The following JMJD1C variants were observed in gnomAD, a reference collection of about 807,000 sequenced individuals.
The protein encoded by JMJD1C is jumonji domain-containing protein 1C.
Under a neutral mutation model 245.3 loss-of-function variants are expected in JMJD1C, and 31 were observed. The observed-to-expected ratio is 0.13, with a 90% CI of 0.09 to 0.17. The LOEUF (loss-of-function observed/expected upper bound fraction) is 0.17, where lower values mean the gene tolerates loss of function less well. Among genes scored for constraint, JMJD1C ranks in the 10% least tolerant of loss-of-function variants. The pLI is 1.00. For missense variants in JMJD1C, 2,691 were observed against 3,000.2 expected, an observed-to-expected ratio of 0.90 and a Z score of 2.41; for synonymous variants, 1,057 against 1,017.4, an observed-to-expected ratio of 1.04 and a Z score of -0.74.
At chr10:63,351,011 T>C (rs1481643235) in intron 2 of JMJD1C, among the ~76,000 whole-genome samples, 1 of 152,082 alleles carries the variant, frequency 6.6e-6, no homozygotes, top group African/African-American at 2.4e-5. Flanking sequence ...TACATCTATA[T>C]ATATTACATT....
intron 1 of JMJD1C, chr10:63,465,243 G>A: frequency 2.3e-6 from 1 of 436,782 alleles, no homozygotes; most frequent in Non-Finnish European, 4.0e-6. Context: ...GACCCCTCCG[G>A]GATGGGGGCC....
At chr10:63,326,406 AAATAAATAAAT>A (rs1941513128) in intron 2 of JMJD1C, among the ~76,000 whole-genome samples, 2 of 149,924 alleles carry the variant, frequency 1.3e-5, no homozygotes, top group Admixed American at 1.3e-4. Context: ...ATAAATAAAT[AAATAAATAAAT>A]AAATAAATAA....
intron 10 of JMJD1C, among the ~76,000 whole-genome samples, chr10:63,205,470 A>G (rs1846491923): frequency 6.6e-6 from 1 of 152,240 alleles, no homozygotes; most frequent in African/African-American, 2.4e-5. Context: ...CAAAAAAACA[A>G]AACTTTAATT....
intron 2 of JMJD1C, among the ~76,000 whole-genome samples, chr10:63,298,738 A>G (rs763604432): frequency 3.3e-5 from 5 of 152,132 alleles, no homozygotes; most frequent in African/African-American, 7.2e-5. Flanking sequence ...CATTCATTCT[A>G]ATCTTTTTTT....
rs538740480 is a variant in JMJD1C at position 63,294,688 on chromosome 10, CTGTT to C, written c.334-29928_334-29925del. On this transcript the variant is annotated intron_variant, in intron 2 of 25. Coordinates refer to ENST00000399262, the MANE Select transcript of JMJD1C (RefSeq NM_032776.3). ...TCCTGCTTTATATACCCACTGCTATCTGTTTGGACTTCTACTACCACACAGTAAA... is the reference window on the plus strand; with the variant it reads ...TCCTGCTTTATATACCCACTGCTATCTGGACTTCTACTACCACACAGTAAA... Among the ~76,000 whole-genome samples the C allele has an allele frequency of 1.8e-4, 28 of 152,270 alleles. 1 individual carries two copies. In the East Asian group the frequency reaches 5.2e-3, roughly 28 times the overall value.
At chr10:63,292,907 G>A (rs1459913222) in intron 2 of JMJD1C, among the ~76,000 whole-genome samples, 3 of 152,082 alleles carry the variant, frequency 2.0e-5, no homozygotes, top group Non-Finnish European at 4.4e-5. Flanking sequence ...AGCTGGGCGT[G>A]GTGGTGCTTG....
At chr10:63,484,236 GGATAGATAGATAGATAGAT>G (rs1953917870) in intron 1 of JMJD1C, among the ~76,000 whole-genome samples, 1 of 92,632 alleles carries the variant, frequency 1.1e-5, no homozygotes, top group Non-Finnish European at 2.9e-5. Flanking sequence ...ATGGATGGAT[GGATAGATAGATAGATAGAT>G]AGATAGATAG....
At chr10:63,228,973 T>A (rs1849641486) in intron 3 of JMJD1C, among the ~76,000 whole-genome samples, 1 of 152,180 alleles carries the variant, frequency 6.6e-6, no homozygotes, top group Non-Finnish European at 1.5e-5. Context: ...GGTCAATGAC[T>A]ATTACATTCA....
At chr10:63,452,623 G>A (rs150991161) in intron 1 of JMJD1C, among the ~76,000 whole-genome samples, 205 of 152,258 alleles carry the variant, frequency 1.3e-3, no homozygotes, top group Admixed American at 7.2e-3. Flanking sequence ...AAATAGATAT[G>A]CTGATATTCA....
chr10:63,426,818 G>C (rs1950468700), intron 1 of JMJD1C, among the ~76,000 whole-genome samples: 1 of 152,140 alleles, frequency 6.6e-6, no homozygotes, highest in African/African-American at 2.4e-5. Context: ...AGTATCTAGT[G>C]TAAGATAATA....
At chr10:63,224,400 C>A (rs1291649740) in intron 3 of JMJD1C, among the ~76,000 whole-genome samples, 2 of 152,120 alleles carry the variant, frequency 1.3e-5, no homozygotes, top group Non-Finnish European at 2.9e-5. Flanking sequence ...TTAATTAAAA[C>A]CCACAAAAAG....
In JMJD1C at chr10:63,207,310, T is replaced by C. The variant is rs548304608; in HGVS notation, c.4359A>G (p.Thr1453=). ...AQKQECKVST[T]APVTLASSKT... ...TACTACTGGCTAATGTAACTGGTGC[T>C]GTGGTGCTGACCTTGCATTCTTGTT... The change falls in exon 10 of 26, where the codon ACA becomes ACG. Residue 1453 remains threonine, a synonymous_variant. Coordinates refer to ENST00000399262, the MANE Select transcript of JMJD1C (RefSeq NM_032776.3). 58 of 1,613,716 alleles carry C rather than the reference T, an allele frequency of 3.6e-5. No individual in the cohort carries two copies. In the East Asian group the frequency reaches 1.2e-3, roughly 32 times the overall value.
chr10:63,319,134 G>A (rs1940501344), intron 2 of JMJD1C, among the ~76,000 whole-genome samples: 1 of 151,810 alleles, frequency 6.6e-6, no homozygotes, highest in Admixed American at 6.6e-5. Context: ...GTGGTGGCCT[G>A]TAGTCCCAGC....
At position 63,296,624 on chromosome 10, in the gene JMJD1C, T is replaced by A. The variant is rs151038776; in HGVS notation, c.334-31860A>T. Among the ~76,000 whole-genome samples, 144 of 152,336 alleles carry A rather than the reference T, an allele frequency of 9.5e-4. 1 individual carries two copies. The highest frequency in any genetic ancestry group is 3.1e-3 in the African/African-American group (130 of 41,588). Reference sequence around the variant, plus strand: ...ACCTGTTCAATCTCAGTTGGAAATGTGCGTATAGGTGACAAAAATTTTTCT... The same window carrying A: ...ACCTGTTCAATCTCAGTTGGAAATGAGCGTATAGGTGACAAAAATTTTTCT... On this transcript the variant is annotated intron_variant, in intron 2 of 25. Transcript: ENST00000399262.
intron 2 of JMJD1C, among the ~76,000 whole-genome samples, chr10:63,364,053 C>T (rs1945640960): frequency 6.6e-6 from 1 of 151,984 alleles, no homozygotes; most frequent in African/African-American, 2.4e-5. Flanking sequence ...TACGTAGAGA[C>T]TGGGTTTCAC....
intron 1 of JMJD1C, among the ~76,000 whole-genome samples, chr10:63,481,824 G>A (rs1463104312): frequency 6.6e-6 from 1 of 152,192 alleles, no homozygotes; most frequent in Non-Finnish European, 1.5e-5. Context: ...GGAGCTGGAG[G>A]AAGTGGAAGA....
At chr10:63,212,372 C>A (rs1293165404) in intron 8 of JMJD1C, among the ~76,000 whole-genome samples, 2 of 152,150 alleles carry the variant, frequency 1.3e-5, no homozygotes, top group Admixed American at 6.5e-5. Context: ...CTAGGGGATA[C>A]TTGATGAGCA....
intron 2 of JMJD1C, among the ~76,000 whole-genome samples, chr10:63,266,726 TATC>T (rs1855618542): frequency 6.6e-6 from 1 of 152,176 alleles, no homozygotes. Context: ...CAAAAGGTAT[TATC>T]TAAGTGGCTA....
At chr10:63,466,964 A>G (rs1953317080), upstream of JMJD1C, among the ~76,000 whole-genome samples, 2 of 152,046 alleles carry the variant, frequency 1.3e-5, no homozygotes, top group African/African-American at 4.8e-5. Flanking sequence ...TAGGTAGTCC[A>G]ATATTCTAAA....
Sources: allele counts gnomAD v4.1 joint callset (sites outside exome capture counted in the v4.1 genomes callset), GRCh38; gene constraint gnomAD v4.1.1; transcripts MANE v1.5; gene names NCBI Gene and HGNC (gene_info 2026-07-23, HGNC 2026-07-21).